PSEN1: variants seen among roughly 807,000 people sequenced by gnomAD.
PSEN1 encodes presenilin-1.
A neutral mutation model predicts 53.5 loss-of-function variants in PSEN1; 15 were observed. The observed-to-expected ratio is 0.28, with a 90% CI of 0.19 to 0.43. The LOEUF (loss-of-function observed/expected upper bound fraction) is 0.43. Among genes scored for constraint, PSEN1 ranks in the 20% least tolerant of loss-of-function variants. The probability of loss-of-function intolerance (pLI) is 1.00; values close to 1 mark genes in which losing one functional copy is unlikely to be tolerated. For synonymous variants in PSEN1, 208 were observed against 209.8 expected (o/e 0.99, Z 0.08); for missense variants, 387 against 571.2 (o/e 0.68, Z 3.29).
At chr14:73,216,778 A>T (rs1480573114) in intron 10 of PSEN1, among the ~76,000 whole-genome samples, 1 of 152,104 alleles carries the variant, frequency 6.6e-6, no homozygotes, top group Admixed American at 6.5e-5. Context: ...AAAAATATTA[A>T]TTAATATGAT....
chr14:73,163,158 CAA>C (rs1259381359), intron 3 of PSEN1, among the ~76,000 whole-genome samples: 1 of 152,168 alleles, frequency 6.6e-6, no homozygotes, highest in Non-Finnish European at 1.5e-5. Flanking sequence ...TTTTGAAGTA[CAA>C]TAACATTTGA....
At chr14:73,180,429 C>T (rs566968209) in intron 5 of PSEN1, among the ~76,000 whole-genome samples, 1 of 152,274 alleles carries the variant, frequency 6.6e-6, no homozygotes, top group East Asian at 1.9e-4. Context: ...TACTTTGACA[C>T]CCAGTATAAC....
intron 1 of PSEN1, among the ~76,000 whole-genome samples, chr14:73,138,761 C>T (rs1232023236): frequency 1.4e-5 from 2 of 143,306 alleles, no homozygotes; most frequent in African/African-American, 5.1e-5. Flanking sequence ...GAGATCGAGA[C>T]ATCCTGGCTA....
chr14:73,162,224 G>A (rs1020105994), intron 3 of PSEN1, among the ~76,000 whole-genome samples: 5 of 150,242 alleles, frequency 3.3e-5, no homozygotes, highest in East Asian at 3.9e-4. Context: ...AAATGAAAAA[G>A]CACTCAACCA....
At chr14:73,218,526 A>C (rs1900015704) in intron 11 of PSEN1, among the ~76,000 whole-genome samples, 1 of 152,194 alleles carries the variant, frequency 6.6e-6, no homozygotes, top group African/African-American at 2.4e-5. Flanking sequence ...TGGCTTGTAC[A>C]TGTGTTTACA....
At chr14:73,213,582 C>T (rs915628303) in intron 10 of PSEN1, among the ~76,000 whole-genome samples, 1 of 152,180 alleles carries the variant, frequency 6.6e-6, no homozygotes, top group Non-Finnish European at 1.5e-5. Context: ...CTTGTGGGTA[C>T]TTACCAAAAG....
chr14:73,204,474 A>G (rs12587379), intron 8 of PSEN1, among the ~76,000 whole-genome samples: 7,444 of 151,342 alleles, frequency 0.049, 499 homozygotes, highest in African/African-American at 0.15. Flanking sequence ...GAAGCCAAAT[A>G]TGGCCCATGG....
At chr14:73,209,437 T>C (rs1269307331) in intron 9 of PSEN1, among the ~76,000 whole-genome samples, 2 of 152,198 alleles carry the variant, frequency 1.3e-5, no homozygotes, top group African/African-American at 2.4e-5. Context: ...AATCAAATGA[T>C]TGTCTGTGAG....
chr14:73,192,532 T>C (rs1898763373), intron 6 of PSEN1, 112 bp from the exon 7 acceptor site: 1 of 774,840 alleles, frequency 1.3e-6, no homozygotes, highest in East Asian at 2.6e-5. Flanking sequence ...TATGGTAAAA[T>C]TATAAAGGTG....
rs1178797629 is a variant in PSEN1 at position 73,202,444 on chromosome 14, A to T, written c.869-3942A>T. On this transcript the variant is annotated intron_variant, in intron 8 of 11. Transcript: ENST00000324501. ...TATATATATATATATATATATATATATATATATATATATATATATTTTTTT... is the reference window on the plus strand; with the variant it reads ...TATATATATATATATATATATATATTTATATATATATATATATATTTTTTT... 7.4e-4 allele frequency among the ~76,000 whole-genome samples: 11 copies of T among 14,852 alleles called. 1 individual carries two copies. Among genetic ancestry groups the T allele is most frequent in the African/African-American group, 2.4e-3 (7 of 2,940 alleles). 9.7% of individuals were successfully genotyped at this position (14,852 alleles called of 152,430 possible). A position where few individuals can be genotyped will look rare whatever the true frequency, so the allele number is the denominator to read the frequency against.
At chr14:73,209,118 C>T (rs117826622) in intron 9 of PSEN1, among the ~76,000 whole-genome samples, 285 of 152,350 alleles carry the variant, frequency 1.9e-3, no homozygotes, top group Non-Finnish European at 3.1e-3. Context: ...TTCCTGGACC[C>T]CTGAGAGCAC....
At position 73,192,624 on chromosome 14, in the gene PSEN1, T is replaced by C; in HGVS notation, c.549-20T>C. 6.6e-7 allele frequency: 1 copy of C among 1,525,838 alleles called. No homozygotes were observed. Among genetic ancestry groups the C allele is most frequent in the Non-Finnish European group, 9.1e-7 (1 of 1,099,544 alleles). 94.5% of individuals were successfully genotyped at this position (1,525,838 alleles called of 1,614,324 possible). A position where few individuals can be genotyped will look rare whatever the true frequency, so the allele number is the denominator to read the frequency against. ...GAAAATTATTGTACATCTTTTAAAA[T>C]CTGTGTAATTTTTTTTCAGGGAAGT... is the stretch of plus-strand genomic sequence containing the variant. On this transcript the variant is annotated intron_variant, in intron 6 of 11. Coordinates refer to ENST00000324501, the MANE Select transcript of PSEN1 (RefSeq NM_000021.4).
At chr14:73,159,248 T>G (rs1897457463) in intron 3 of PSEN1, among the ~76,000 whole-genome samples, 1 of 151,926 alleles carries the variant, frequency 6.6e-6, no homozygotes, top group Non-Finnish European at 1.5e-5. Context: ...GTGGTGTGAT[T>G]ATAGCTCACT....
At chr14:73,156,359 AAAT>A (rs922053283) in intron 3 of PSEN1, among the ~76,000 whole-genome samples, 2 of 151,316 alleles carry the variant, frequency 1.3e-5, no homozygotes, top group African/African-American at 4.8e-5. Context: ...CGGTCTCAAA[AAAT>A]AATAATAATA....
chr14:73,142,276 T>C (rs1466961697), intron 1 of PSEN1, among the ~76,000 whole-genome samples: 1 of 152,148 alleles, frequency 6.6e-6, no homozygotes, highest in Non-Finnish European at 1.5e-5. Context: ...TTAAATACTT[T>C]TGTAAAATAA....
chr14:73,196,736 A>G (rs551939737), intron 7 of PSEN1, among the ~76,000 whole-genome samples: 87 of 151,746 alleles, frequency 5.7e-4, no homozygotes, highest in Non-Finnish European at 1.1e-3. Flanking sequence ...AGCCTCCCCA[A>G]AGTGCTGGAA....
intron 1 of PSEN1, among the ~76,000 whole-genome samples, chr14:73,143,988 TA>T (rs530235019): frequency 0.34 from 18,316 of 53,158 alleles, 2,615 homozygotes; most frequent in East Asian, 0.45. Context: ...CCTTGTCTCT[TA>T]AAAAAAAAAA....
At position 73,222,134 on chromosome 14, in the gene PSEN1, C is replaced by T. The variant is rs372427463; in HGVS notation, c.*2845C>T. The T allele has an allele frequency of 7.9e-5, 12 of 152,054 alleles. 1 individual carries two copies. The highest frequency in any genetic ancestry group is 7.9e-4 in the Admixed American group (12 of 15,266). 9.4% of individuals were successfully genotyped at this position (152,054 alleles called of 1,614,324 possible). A position where few individuals can be genotyped will look rare whatever the true frequency, so the allele number is the denominator to read the frequency against. ...TCCTGTTTTTGGTTCTCAGTAGGTTCGTGTGTGTTCCTAGAATCACAGCTC... is the reference window on the plus strand; with the variant it reads ...TCCTGTTTTTGGTTCTCAGTAGGTTTGTGTGTGTTCCTAGAATCACAGCTC... On this transcript the variant is annotated 3_prime_UTR_variant, in exon 12 of 12. Coordinates refer to ENST00000324501, the MANE Select transcript of PSEN1 (RefSeq NM_000021.4).
intron 1 of PSEN1, among the ~76,000 whole-genome samples, chr14:73,140,618 T>G (rs1260159440): frequency 6.6e-6 from 1 of 152,082 alleles, no homozygotes; most frequent in Admixed American, 6.6e-5. Context: ...AGCTTAATAA[T>G]TTGTTTGCTT....
Sources: allele counts gnomAD v4.1 joint callset (sites outside exome capture counted in the v4.1 genomes callset), GRCh38; gene constraint gnomAD v4.1.1; transcripts MANE v1.5; gene names NCBI Gene and HGNC (gene_info 2026-07-23, HGNC 2026-07-21).